CCDC175: variants seen among roughly 807,000 people sequenced by gnomAD.
The protein encoded by CCDC175 is coiled-coil domain containing 175, also known as coiled-coil domain-containing protein 175.
Under a neutral mutation model 114.6 loss-of-function variants are expected in CCDC175, and 100 were observed. That is an observed-to-expected ratio of 0.87 (90% CI 0.74 to 1.03). CCDC175 has a LOEUF of 1.03. Ranked by LOEUF, CCDC175 falls within the 50% of genes least tolerant of loss-of-function variation. CCDC175 has a pLI of 0.00. For missense variants in CCDC175, 880 were observed against 917.8 expected (o/e 0.96, Z 0.53); for synonymous variants, 306 against 308.7 (o/e 0.99, Z 0.09).
chr14:59,575,286 G>A (rs1395279869), intron 1 of CCDC175, among the ~76,000 whole-genome samples: 1 of 45,632 alleles, frequency 2.2e-5, no homozygotes, highest in Non-Finnish European at 4.5e-5. Context: ...GGGCAAGAGG[G>A]TGTAATGATT....
At chr14:59,543,491 C>T (rs970634122) in intron 9 of CCDC175, 37 bp from the exon 10 acceptor site, 2 of 726,656 alleles carry the variant, frequency 2.8e-6, no homozygotes, top group Non-Finnish European at 4.2e-6. Flanking sequence ...TGAAGGCTGA[C>T]ATAAATATGC....
In CCDC175 at chr14:59,521,657, T is replaced by C; in HGVS notation, c.2015A>G (p.Asn672Ser). The C allele has an allele frequency of 6.6e-7, 1 of 1,524,246 alleles. No homozygotes were observed. The highest frequency in any genetic ancestry group is 8.8e-7 in the Non-Finnish European group (1 of 1,135,132). 94.4% of individuals were successfully genotyped at this position (1,524,246 alleles called of 1,614,324 possible). A position where few individuals can be genotyped will look rare whatever the true frequency, so the allele number is the denominator to read the frequency against. ...KLKEYILYLKNNIEKYREGQE... is the reference protein window; with the variant it reads ...KLKEYILYLKSNIEKYREGQE... ...TCCTTCTCTGTATTTCTCTATGTTA[T>C]TCTTCAAGTATAAAATATACTGAAA... The change falls in exon 17 of 20, where the codon AAT becomes AGT. Residue 672 changes from asparagine to serine, a missense_variant. Asn to Ser is a conservative substitution (Grantham distance 46). Coordinates refer to ENST00000537690, the MANE Select transcript of CCDC175 (RefSeq NM_001164399.2).
At chr14:59,557,187 T>C (rs1430010338) in intron 7 of CCDC175, among the ~76,000 whole-genome samples, 1 of 152,112 alleles carries the variant, frequency 6.6e-6, no homozygotes, top group East Asian at 1.9e-4. Context: ...TGCGGCACTA[T>C]TCACAATAGC....
intron 7 of CCDC175, among the ~76,000 whole-genome samples, 168 bp from the exon 8 acceptor site, chr14:59,551,604 C>G (rs540552204): frequency 6.6e-5 from 10 of 152,086 alleles, no homozygotes; most frequent in Non-Finnish European, 1.5e-4. Context: ...CTCACTGGGG[C>G]GTGTTGGACA....
chr14:59,507,282 A>G lies in CCDC175; in HGVS notation c.2306-1967T>C, dbSNP rs375015729. Among the ~76,000 whole-genome samples the G allele has an allele frequency of 1.3e-4, 20 of 152,330 alleles. 2 individuals carry two copies. Among genetic ancestry groups the G allele is most frequent in the Admixed American group, 8.5e-4 (13 of 15,296 alleles). On this transcript the variant is annotated intron_variant, in intron 19 of 19. Coordinates refer to ENST00000537690, the MANE Select transcript of CCDC175 (RefSeq NM_001164399.2). ...ATATCCCTGTGTACTCCAACATCCA[A>G]TAAGACACAGCTTTACCCTCTGATA...
intron 13 of CCDC175, among the ~76,000 whole-genome samples, chr14:59,534,080 A>G (rs1894251476): frequency 6.6e-6 from 1 of 151,734 alleles, no homozygotes; most frequent in Non-Finnish European, 1.5e-5. Flanking sequence ...TTGTATGTGC[A>G]TGCATTAATT....
At chr14:59,521,265 T>C (rs1467413040) in intron 17 of CCDC175, among the ~76,000 whole-genome samples, 2 of 152,170 alleles carry the variant, frequency 1.3e-5, no homozygotes, top group Non-Finnish European at 2.9e-5. Context: ...CCCTCGAACA[T>C]TGGACTCCAA....
intron 17 of CCDC175, among the ~76,000 whole-genome samples, chr14:59,516,368 A>T (rs1041692826): frequency 6.6e-6 from 1 of 152,184 alleles, no homozygotes; most frequent in South Asian, 2.1e-4. Context: ...AAAAAAATCA[A>T]TGAATCCAGG....
chr14:59,513,745 G>A (rs1468109898), intron 17 of CCDC175, among the ~76,000 whole-genome samples: 1 of 152,212 alleles, frequency 6.6e-6, no homozygotes, highest in African/African-American at 2.4e-5. Context: ...TGGGGGCAGG[G>A]CATTGCCAAA....
In CCDC175 at chr14:59,551,405, C is replaced by G. The variant is rs769689516; in HGVS notation, c.985G>C (p.Asp329His). ...CFFTDNKEKLDDISNDEKNEF... is the reference protein window; with the variant it reads ...CFFTDNKEKLHDISNDEKNEF... ...TTTTTTTCATCATTAGATATATCAT[C>G]TAGTTTTTCTTTGTTATCTGTGAAA... Residue 329 changes from aspartate to histidine, a missense_variant, in exon 8 of 20, where the codon GAT becomes CAT. Coordinates refer to ENST00000537690, the MANE Select transcript of CCDC175 (RefSeq NM_001164399.2). 6.9e-7 allele frequency: 1 copy of G among 1,457,292 alleles called. No individual in the cohort carries two copies. The highest frequency in any genetic ancestry group is 1.3e-5 in the South Asian group (1 of 76,474). The allele number at this position is 1,457,292 out of a possible 1,614,324, so 90.3% of individuals were successfully genotyped here. A position where few individuals can be genotyped will look rare whatever the true frequency, so the allele number is the denominator to read the frequency against.
chr14:59,530,785 C>G (rs1193738758), intron 14 of CCDC175, among the ~76,000 whole-genome samples: 4 of 152,232 alleles, frequency 2.6e-5, no homozygotes, highest in Non-Finnish European at 5.9e-5. Flanking sequence ...GATTTTAATT[C>G]CTATCCCCAT....
chr14:59,568,164 G>C, intron 4 of CCDC175, 81 bp downstream of exon 4: 2 of 1,361,704 alleles, frequency 1.5e-6, no homozygotes, highest in African/African-American at 1.5e-5. Context: ...GTTCAGATCA[G>C]AGAGTAAACC....
chr14:59,540,493 C>CAAA lies in CCDC175; in HGVS notation c.1355+179_1355+181dup, dbSNP rs11379946. 1.7e-4 allele frequency among the ~76,000 whole-genome samples: 25 copies of CAAA among 144,798 alleles called. 1 individual carries two copies. The highest frequency in any genetic ancestry group is 8.9e-4 in the Admixed American group (13 of 14,556). 95.0% of individuals were successfully genotyped at this position (144,798 alleles called of 152,430 possible). The stretch of plus-strand genomic sequence containing the variant: ...GGAAAACTTTGATTCTGTTCAATGC[C>CAAA]AAAAAAAAAAAAATCAAATTAACCA... On this transcript the variant is annotated intron_variant, in intron 11 of 19. Transcript: ENST00000537690.
In CCDC175 at chr14:59,542,848, A is replaced by C. The variant is rs1894868979; in HGVS notation, c.1283+496T>G. Among the ~76,000 whole-genome samples, 9 of 152,092 alleles carry C rather than the reference A, an allele frequency of 5.9e-5. No individual in the cohort carries two copies. In the South Asian group the frequency reaches 1.9e-3, roughly 32 times the overall value. The stretch of plus-strand genomic sequence containing the variant: ...ATTCAGTTATAGTAGAGTATAATCC[A>C]ATTTTTGGATACATACATATAAATA... On this transcript the variant is annotated intron_variant, in intron 10 of 19. Coordinates refer to ENST00000537690, the MANE Select transcript of CCDC175 (RefSeq NM_001164399.2).
chr14:59,564,924 G>C, intron 5 of CCDC175, 123 bp downstream of exon 5: 1 of 697,110 alleles, frequency 1.4e-6, no homozygotes, highest in East Asian at 2.7e-5. Context: ...CGTTTTCCCA[G>C]CGCGTTCACA....
At chr14:59,572,562 C>T (rs1003963947) in intron 3 of CCDC175, 140 bp downstream of exon 3, 12 of 464,352 alleles carry the variant, frequency 2.6e-5, no homozygotes, top group African/African-American at 1.2e-4. Context: ...AAAATTATTA[C>T]GGACCTTACT....
chr14:59,565,056 C>A lies in CCDC175; in HGVS notation c.711G>T (p.Leu237Phe). Reference sequence around the variant, plus strand: ...AAATCATGCCACTTACCTGTGCAGTCAACTCTTGTTTTCTTATTAGATATT... The same window carrying A: ...AAATCATGCCACTTACCTGTGCAGTAAACTCTTGTTTTCTTATTAGATATT... Reference protein sequence around the residue: ...RAEYLIRKQELTAQINEFENT... With the variant: ...RAEYLIRKQEFTAQINEFENT... The change falls in exon 5 of 20, where the codon TTG becomes TTT. Residue 237 changes from leucine to phenylalanine, a missense_variant. Coordinates refer to ENST00000537690, the MANE Select transcript of CCDC175 (RefSeq NM_001164399.2). 1 of 1,528,624 alleles carries A rather than the reference C, an allele frequency of 6.5e-7. No homozygotes were observed. Among genetic ancestry groups the A allele is most frequent in the South Asian group, 1.2e-5 (1 of 83,342 alleles). The allele number at this position is 1,528,624 out of a possible 1,614,324, so 94.7% of individuals were successfully genotyped here. A position where few individuals can be genotyped will look rare whatever the true frequency, so the allele number is the denominator to read the frequency against.
At chr14:59,569,313 C>T (rs905070143) in intron 3 of CCDC175, among the ~76,000 whole-genome samples, 3 of 152,204 alleles carry the variant, frequency 2.0e-5, no homozygotes, top group African/African-American at 7.2e-5. Context: ...CATACATCAT[C>T]TGGAGATCTT....
chr14:59,509,950 C>T (rs1312308748), intron 19 of CCDC175, among the ~76,000 whole-genome samples: 7 of 152,170 alleles, frequency 4.6e-5, no homozygotes, highest in Non-Finnish European at 7.3e-5. Flanking sequence ...TGTTTCATCA[C>T]TCCATCTCTC....
Sources: gnomAD v4.1 joint callset for allele counts (sites outside exome capture counted in the v4.1 genomes callset) on GRCh38, gnomAD v4.1.1 for gene constraint, MANE v1.5 for transcripts, NCBI Gene and HGNC (gene_info 2026-07-23, HGNC 2026-07-21) for gene names.